CSHL1: variants seen among roughly 807,000 people sequenced by gnomAD.
CSHL1 encodes chorionic somatomammotropin hormone like 1.
In CSHL1, 25 loss-of-function variants were observed where a neutral mutation model predicts 24.3. The ratio of observed to expected loss-of-function variants is 1.03; its 90% CI spans 0.75 to 1.44. The LOEUF is 1.44. CSHL1 is among the 40% of genes most tolerant of loss of function. CSHL1 has a pLI of 0.00. For synonymous variants in CSHL1, 157 were observed against 115.6 expected (o/e 1.36, Z -2.30); for missense variants, 342 against 279.3 (o/e 1.22, Z -1.60).
rs749982748 is a variant in CSHL1 at position 63,910,411 on chromosome 17, T to A, written c.306+9A>T. On this transcript the variant is annotated intron_variant, in intron 3 of 4. Coordinates refer to ENST00000309894, the MANE Select transcript of CSHL1 (RefSeq NM_022579.3). ...CCATCCCCGCCTAGGGGAGACAGCA[T>A]CCACTCACGGATTTCTGCTGCGTTT... is the stretch of plus-strand genomic sequence containing the variant. The A allele has an allele frequency of 5.0e-6, 8 of 1,614,202 alleles. No homozygotes were observed. The Admixed American group carries it at 1.3e-4, about 27-fold the overall frequency.
Position 63,910,835 on chromosome 17 carries a change from T to G in CSHL1, c.100A>C (p.Arg34=). 6.2e-7 allele frequency: 1 copy of G among 1,614,104 alleles called. No individual in the cohort carries two copies. Among genetic ancestry groups the G allele is most frequent in the South Asian group, 1.1e-5 (1 of 91,068 alleles). ...AGAVQTVPLS[R]LFKEAMLQAH... is the part of the protein sequence containing the mutation. ...TGGAGCATAGCCTCTTTAAAAAGCC[T>G]GGATAAGGGAACGGTTTGGACGGCA... The change falls in exon 2 of 5, where the codon AGG becomes CGG. Residue 34 remains arginine, a synonymous_variant. Coordinates refer to ENST00000309894, the MANE Select transcript of CSHL1 (RefSeq NM_022579.3).
chr17:63,910,034 A>G lies in CSHL1; in HGVS notation c.472-126T>C, dbSNP rs1196794677. The G allele has an allele frequency of 1.9e-6, 3 of 1,614,038 alleles. No individual in the cohort carries two copies. In the African/African-American group the frequency reaches 4.0e-5, roughly 22 times the overall value. On this transcript the variant is annotated intron_variant, in intron 4 of 4. Transcript: ENST00000309894. ...AAGGCCTGGAGGATTCACGAGGGGA[A>G]ATGAAGAATAAGGTGAGTTCTCTTG...
intron 3 of CSHL1, 35 bp downstream of exon 3, chr17:63,910,385 C>G: frequency 1.2e-6 from 2 of 1,614,158 alleles, no homozygotes; most frequent in African/African-American, 1.3e-5. Flanking sequence ...ACAGGTCTCC[C>G]CCATCCCCGC....
At chr17:63,911,034 G>T in intron 1 of CSHL1, 110 bp from the exon 2 acceptor site, 1 of 1,610,488 alleles carries the variant, frequency 6.2e-7, no homozygotes, top group Non-Finnish European at 8.5e-7. Context: ...CAGGGACCAG[G>T]AACATTCAGA....
chr17:63,910,950 G>A lies in CSHL1; in HGVS notation c.11-26C>T, dbSNP rs747483777. 8.1e-6 allele frequency: 13 copies of A among 1,612,448 alleles called. 1 individual carries two copies. In the South Asian group the frequency reaches 1.2e-4, roughly 15 times the overall value. ...CTGGGGAGAAACCGGAGGGCAAGAA[G>A]GGAGCCGCAGAGCAAGAGGCCAGCA... On this transcript the variant is annotated intron_variant, in intron 1 of 4. Coordinates refer to ENST00000309894, the MANE Select transcript of CSHL1 (RefSeq NM_022579.3).
intron 4 of CSHL1, 78 bp from the exon 5 acceptor site, chr17:63,909,986 C>T (rs754266000): frequency 9.9e-6 from 16 of 1,613,882 alleles, no homozygotes; most frequent in African/African-American, 8.0e-5. Context: ...CCATTTTCCT[C>T]CTTCCCCTTC....
rs374260286 is a variant in CSHL1 at position 63,910,366 on chromosome 17, G to T, written c.307-40C>A. 45 of 1,614,154 alleles carry T rather than the reference G, an allele frequency of 2.8e-5. No homozygotes were observed. In the African/African-American group the frequency reaches 4.9e-4, roughly 18 times the overall value. On this transcript the variant is annotated intron_variant, in intron 3 of 4. Transcript: ENST00000309894. The stretch of plus-strand genomic sequence containing the variant: ...CCGGCAGTGGCTGTGCTGCCCGGGG[G>T]CTCTGACCACAGGTCTCCCCCATCC...
At position 63,910,246 on chromosome 17, in the gene CSHL1, G is replaced by T; in HGVS notation, c.387C>A (p.Thr129=). The stretch of plus-strand genomic sequence containing the variant: ...CCGAGGTGTCATACACCAGGTTGTT[G>T]GTGAAGGTACTCCTGAGGAACCGCA... ...EPVRFLRSTF[T]NNLVYDTSDS... is the part of the protein sequence containing the mutation. The change falls in exon 4 of 5, where the codon ACC becomes ACA. Residue 129 remains threonine (T), a synonymous_variant. Coordinates refer to ENST00000309894, the MANE Select transcript of CSHL1 (RefSeq NM_022579.3). 6.2e-7 allele frequency: 1 copy of T among 1,614,110 alleles called. No individual in the cohort carries two copies. The highest frequency in any genetic ancestry group is 8.5e-7 in the Non-Finnish European group (1 of 1,180,000).
Position 63,909,639 on chromosome 17 carries a change from G to T in CSHL1, c.*72C>A. 1 of 1,609,270 alleles carries T rather than the reference G, an allele frequency of 6.2e-7. No individual in the cohort carries two copies. ...ACTTAATTTTATTAAGACAAGGCTG[G>T]TGGGCACTGGAGTGGCACCTTCAGG... On this transcript the variant is annotated 3_prime_UTR_variant, in exon 5 of 5. Transcript: ENST00000309894.
rs776291749 is a variant in CSHL1 at position 63,910,669 on chromosome 17, C to A, written c.190+76G>T. ...CTGCATTTTCGCTTCAGAAAACAAC[C>A]CTGAGCTCCTTAGTCTCCTCCCATT... On this transcript the variant is annotated intron_variant, in intron 2 of 4. Coordinates refer to ENST00000309894, the MANE Select transcript of CSHL1 (RefSeq NM_022579.3). The A allele has an allele frequency of 1.3e-5, 21 of 1,614,124 alleles. No individual in the cohort carries two copies. In the Admixed American group the frequency reaches 3.5e-4, roughly 27 times the overall value.
rs79392599 is a variant in CSHL1, at chr17:63,909,749, C to T, written c.631G>A (p.Val211Met). ...MDKVETFLRM[V>M]QCRSVEGSCG... is the part of the protein sequence containing the mutation. The stretch of plus-strand genomic sequence containing the variant: ...CTGCCCTCCACAGAGCGGCACTGCA[C>T]CATGCGCAGGAATGTCTCGACCTTG... Residue 211 changes from valine (V) to methionine (M), a missense_variant, in exon 5 of 5, where the codon GTG (valine) becomes ATG (methionine). Transcript: ENST00000309894. 508 of 1,614,094 alleles carry T rather than the reference C, an allele frequency of 3.1e-4. 2 individuals carry two copies. In the African/African-American group the frequency reaches 6.0e-3, roughly 19 times the overall value.
chr17:63,910,387 C>T lies in CSHL1; in HGVS notation c.306+33G>A, dbSNP rs373248232. ...GGGGGCTCTGACCACAGGTCTCCCC[C>T]ATCCCCGCCTAGGGGAGACAGCATC... On this transcript the variant is annotated intron_variant, in intron 3 of 4. Transcript: ENST00000309894. The T allele has an allele frequency of 5.0e-5, 81 of 1,614,198 alleles. No individual in the cohort carries two copies. In the African/African-American group the frequency reaches 8.4e-4, roughly 17 times the overall value.
At position 63,910,876 on chromosome 17, in the gene CSHL1, C is replaced by T. The variant is rs1203674797; in HGVS notation, c.59G>A (p.Trp20Ter). Reference sequence around the variant, plus strand: ...TTGGACGGCACCAGCCTCTTGAAGCCAGGGCAGGCAGAGCAGGGCAAAAGC... The same window carrying T: ...TTGGACGGCACCAGCCTCTTGAAGCTAGGGCAGGCAGAGCAGGGCAAAAGC... Reference protein sequence around the residue: ...LLAFALLCLPWLQEAGAVQTV... With the variant: ...LLAFALLCLP The change falls in exon 2 of 5, where the codon TGG (tryptophan) becomes TAG (stop). Residue 20 changes from tryptophan to a stop codon, truncating the protein, a stop_gained. Transcript: ENST00000309894. LOFTEE classifies it high-confidence loss of function. The T allele has an allele frequency of 2.7e-5, 44 of 1,614,020 alleles. No homozygotes were observed. The highest frequency in any genetic ancestry group is 3.7e-5 in the Non-Finnish European group (44 of 1,180,020).
chr17:63,909,992 C>A lies in CSHL1; in HGVS notation c.472-84G>T, dbSNP rs775916620. On this transcript the variant is annotated intron_variant, in intron 4 of 4. Transcript: ENST00000309894. Reference sequence around the variant, plus strand: ...CTCATTTATCCATTTTCCTCCTTCCCCTTCAGGGTGTAGAGAAAGGCCTGG... The same window carrying A: ...CTCATTTATCCATTTTCCTCCTTCCACTTCAGGGTGTAGAGAAAGGCCTGG... 23 of 1,613,856 alleles carry A rather than the reference C, an allele frequency of 1.4e-5. No individual in the cohort carries two copies. The African/African-American group carries it at 2.7e-4, about 19-fold the overall frequency.
In CSHL1 at chr17:63,911,229, G is replaced by A; in HGVS notation, c.-33C>T. 6.2e-7 allele frequency: 1 copy of A among 1,614,008 alleles called. No homozygotes were observed. The highest frequency in any genetic ancestry group is 8.5e-7 in the Non-Finnish European group (1 of 1,179,880). ...AGGTGAGCTGTCCACAGGACCCTGAGTGGTGCGGGGAGTCGGGCCTTGGGA... is the reference window on the plus strand; with the variant it reads ...AGGTGAGCTGTCCACAGGACCCTGAATGGTGCGGGGAGTCGGGCCTTGGGA... On this transcript the variant is annotated 5_prime_UTR_variant, in exon 1 of 5. Transcript: ENST00000309894.
chr17:63,910,856 C>G lies in CSHL1; in HGVS notation c.79G>C (p.Val27Leu). Residue 27 changes from valine (V) to leucine (L), a missense_variant, in exon 2 of 5, where the codon GTC (valine) becomes CTC (leucine). Val to Leu is a conservative substitution (Grantham distance 32). Coordinates refer to ENST00000309894, the MANE Select transcript of CSHL1 (RefSeq NM_022579.3). ...CLPWLQEAGA[V>L]QTVPLSRLFK... ...AGCCTGGATAAGGGAACGGTTTGGA[C>G]GGCACCAGCCTCTTGAAGCCAGGGC... The G allele has an allele frequency of 6.2e-7, 1 of 1,614,142 alleles. No homozygotes were observed. Among genetic ancestry groups the G allele is most frequent in the Non-Finnish European group, 8.5e-7 (1 of 1,180,036 alleles).
At position 63,910,456 on chromosome 17, in the gene CSHL1, C is replaced by T. The variant is rs765806238; in HGVS notation, c.270G>A (p.Pro90=). ...QTSFCFSDSI[P]TSSNMEETQQ... ...GCGTTTCCTCCATGTTGGAGGATGTCGGAATAGAGTCTGAGAAGCAGAAGG... is the reference window on the plus strand; with the variant it reads ...GCGTTTCCTCCATGTTGGAGGATGTTGGAATAGAGTCTGAGAAGCAGAAGG... The change falls in exon 3 of 5, where the codon CCG becomes CCA. Residue 90 remains proline (P), a synonymous_variant. Transcript: ENST00000309894. The T allele has an allele frequency of 1.2e-5, 19 of 1,613,946 alleles. No individual in the cohort carries two copies. The highest frequency in any genetic ancestry group is 1.5e-5 in the Non-Finnish European group (18 of 1,180,010).
At chr17:63,911,140 C>G in intron 1 of CSHL1, 47 bp downstream of exon 1, 1 of 1,612,988 alleles carries the variant, frequency 6.2e-7, no homozygotes. Flanking sequence ...GGCGCCGCCT[C>G]TCCCCTCAGG....
rs1906876427 is a variant in CSHL1, at chr17:63,910,544, G to A, written c.191-9C>T. The stretch of plus-strand genomic sequence containing the variant: ...CTTTGTGATATAGGCTTCTTCCTAG[G>A]GGAAGGACCCCCCACCAAGAAGGAC... On this transcript the variant is annotated splice_polypyrimidine_tract_variant and intron_variant, in intron 2 of 4. Coordinates refer to ENST00000309894, the MANE Select transcript of CSHL1 (RefSeq NM_022579.3). 6.2e-7 allele frequency: 1 copy of A among 1,614,010 alleles called. No individual in the cohort carries two copies. The highest frequency in any genetic ancestry group is 1.3e-5 in the African/African-American group (1 of 74,872).
Sources: allele counts gnomAD v4.1 joint callset, GRCh38; gene constraint gnomAD v4.1.1; transcripts MANE v1.5; gene names NCBI Gene and HGNC (gene_info 2026-07-23, HGNC 2026-07-21).